Variants in CACNB2 observed in about 807,000 individuals in gnomAD.
CACNB2 encodes voltage-dependent L-type calcium channel subunit beta-2.
Under a neutral mutation model 73.3 loss-of-function variants are expected in CACNB2, and 42 were observed. The observed-to-expected ratio is 0.57, with a 90% CI of 0.45 to 0.74. CACNB2 has a LOEUF of 0.74. Among genes scored for constraint, CACNB2 ranks in the 30% least tolerant of loss-of-function variants. The pLI, the probability that CACNB2 is intolerant of heterozygous loss-of-function variation, is 0.00. For synonymous variants in CACNB2, 348 were observed against 310.3 expected (o/e 1.12, Z -1.28); for missense variants, 940 against 853.0 (o/e 1.10, Z -1.27).
At chr10:18,360,190 C>T (rs2042087972) in intron 2 of CACNB2, among the ~76,000 whole-genome samples, 1 of 152,170 alleles carries the variant, frequency 6.6e-6, no homozygotes, top group Non-Finnish European at 1.5e-5. Flanking sequence ...GCCTCCTCTC[C>T]TATATAAAGG....
intron 2 of CACNB2, among the ~76,000 whole-genome samples, chr10:18,242,840 AAC>A (rs1313020441): frequency 4.9e-4 from 61 of 125,024 alleles, no homozygotes; most frequent in Middle Eastern, 4.0e-3. Flanking sequence ...AAAAAAAAAA[AAC>A]CAAAAAAACA....
rs143052720 is a variant in CACNB2, at chr10:18,209,584, T to C, written c.213+58609T>C. On this transcript the variant is annotated intron_variant, in intron 2 of 13. Transcript: ENST00000324631. ...TGTAAACAGGTTATTTTTTCACTTA[T>C]AATTAAATATGTGTTGCTGGTTTGG... 2.3e-3 allele frequency among the ~76,000 whole-genome samples: 345 copies of C among 152,290 alleles called. 1 individual carries two copies. The highest frequency in any genetic ancestry group is 6.4e-3 in the Admixed American group (98 of 15,296).
At position 18,152,687 on chromosome 10, in the gene CACNB2, T is replaced by C. The variant is rs934299983; in HGVS notation, c.213+1712T>C. Among the ~76,000 whole-genome samples the C allele has an allele frequency of 9.2e-5, 11 of 119,266 alleles. No homozygotes were observed. In the Admixed American group the frequency reaches 1.3e-3, roughly 14 times the overall value. 78.2% of individuals were successfully genotyped at this position (119,266 alleles called of 152,430 possible). A position where few individuals can be genotyped will look rare whatever the true frequency, so the allele number is the denominator to read the frequency against. The stretch of plus-strand genomic sequence containing the variant: ...AGTTAGAATCTACAACTCTGAGTCA[T>C]CATGCAGGACCTGAAACAGACCAAA... On this transcript the variant is annotated intron_variant, in intron 2 of 13. Transcript: ENST00000324631.
intron 3 of CACNB2, among the ~76,000 whole-genome samples, chr10:18,413,301 G>A (rs565841986): frequency 1.9e-3 from 289 of 152,298 alleles, no homozygotes; most frequent in African/African-American, 6.2e-3. Context: ...GGACCTTTAT[G>A]TGCATTTTCC....
chr10:18,226,696 T>C (rs1284563174), intron 2 of CACNB2, among the ~76,000 whole-genome samples: 1 of 152,258 alleles, frequency 6.6e-6, no homozygotes, highest in Admixed American at 6.5e-5. Flanking sequence ...ATTTGTATAC[T>C]GTTTAATGGT....
At chr10:18,460,710 G>C (rs2047526178) in intron 3 of CACNB2, among the ~76,000 whole-genome samples, 1 of 151,986 alleles carries the variant, frequency 6.6e-6, no homozygotes, top group Non-Finnish European at 1.5e-5. Flanking sequence ...GGACAATGTA[G>C]TGAAACCCCA....
chr10:18,309,143 A>C (rs1057110955), intron 2 of CACNB2, among the ~76,000 whole-genome samples: 2 of 152,234 alleles, frequency 1.3e-5, no homozygotes, highest in Non-Finnish European at 2.9e-5. Context: ...AAATTTTAAA[A>C]TATTGAATGG....
At chr10:18,463,429 CA>C (rs1429224998) in intron 3 of CACNB2, among the ~76,000 whole-genome samples, 1 of 151,922 alleles carries the variant, frequency 6.6e-6, no homozygotes, top group Non-Finnish European at 1.5e-5. Flanking sequence ...TTTTTGGAAT[CA>C]AGGTCCTGCT....
Position 18,217,632 on chromosome 10 carries a change from TC to T in CACNB2, c.213+66658del, listed in dbSNP as rs369729100. 6.6e-5 allele frequency among the ~76,000 whole-genome samples: 10 copies of T among 151,990 alleles called. No individual in the cohort carries two copies. The East Asian group carries it at 1.2e-3, about 18-fold the overall frequency. On this transcript the variant is annotated intron_variant, in intron 2 of 13. Transcript: ENST00000324631. The stretch of plus-strand genomic sequence containing the variant: ...TTAAGCAGGGAGGTCAAGATGGTCC[TC>T]ACTGACAGAGTGACATTTGAGCAAA...
In CACNB2 at chr10:18,539,090, C is replaced by T. The variant is rs114462890; in HGVS notation, c.1489-140C>T. ...GCCTTATAAATGCCACTGGATGTTA[C>T]CAAAGGGATGAAGCTAGGTTAGACT... is the stretch of plus-strand genomic sequence containing the variant. On this transcript the variant is annotated intron_variant, in intron 13 of 13. Transcript: ENST00000324631. 1,583 of 1,064,688 alleles carry T rather than the reference C, an allele frequency of 1.5e-3. 22 individuals carry two copies. The African/African-American group carries it at 0.023, about 15-fold the overall frequency. 66.0% of individuals were successfully genotyped at this position (1,064,688 alleles called of 1,614,324 possible). A position where few individuals can be genotyped will look rare whatever the true frequency, so the allele number is the denominator to read the frequency against.
At position 18,534,151 on chromosome 10, in the gene CACNB2, C is replaced by T; in HGVS notation, c.1130C>T (p.Thr377Ile). ...TLQLVVLDAD[T>I]INHPAQLSKT... ...CAGTTGGTGGTCCTTGACGCGGATA[C>T]AATTAATCATCCAGCTCAACTCAGT... Residue 377 changes from threonine to isoleucine, a missense_variant, in exon 11 of 14, where the codon ACA becomes ATA. Physicochemically the swap from Thr to Ile is moderately conservative, Grantham distance 89 (BLOSUM62 -1). Transcript: ENST00000324631. 1 of 1,613,648 alleles carries T rather than the reference C, an allele frequency of 6.2e-7. No individual in the cohort carries two copies. Among genetic ancestry groups the T allele is most frequent in the South Asian group, 1.1e-5 (1 of 91,064 alleles).
chr10:18,329,599 C>A (rs140474859), intron 2 of CACNB2, among the ~76,000 whole-genome samples: 1 of 150,462 alleles, frequency 6.6e-6, no homozygotes, highest in African/African-American at 2.4e-5. Flanking sequence ...ATTATTTTTG[C>A]GATTTGCACT....
At position 18,310,650 on chromosome 10, in the gene CACNB2, T is replaced by G. The variant is rs1414928650; in HGVS notation, c.214-91274T>G. ...AAAAGTAAAAAAAAAAAGAAAATTA[T>G]AAAGAAAAGAAACCCACCCACTGGG... On this transcript the variant is annotated intron_variant, in intron 2 of 13. Transcript: ENST00000324631. Among the ~76,000 whole-genome samples, 329 of 127,698 alleles carry G rather than the reference T, an allele frequency of 2.6e-3. 1 individual carries two copies. Among genetic ancestry groups the G allele is most frequent in the African/African-American group, 9.3e-3 (314 of 33,812 alleles). The allele number at this position is 127,698 out of a possible 152,430, so 83.8% of individuals were successfully genotyped here.
At chr10:18,363,407 G>T (rs1390104960) in intron 2 of CACNB2, among the ~76,000 whole-genome samples, 1 of 152,132 alleles carries the variant, frequency 6.6e-6, no homozygotes, top group East Asian at 1.9e-4. Flanking sequence ...TTGAAATCCT[G>T]TCGCCCCATG....
chr10:18,385,349 A>G (rs1260030258), intron 2 of CACNB2, among the ~76,000 whole-genome samples: 6 of 148,716 alleles, frequency 4.0e-5, no homozygotes, highest in Non-Finnish European at 7.4e-5. Context: ...TGAATATGCC[A>G]TAGAGATTTG....
chr10:18,404,795 A>G (rs2044194509), intron 3 of CACNB2, among the ~76,000 whole-genome samples: 1 of 152,244 alleles, frequency 6.6e-6, no homozygotes. Flanking sequence ...TAAGTGACCT[A>G]CAAAAGGTTA....
intron 2 of CACNB2, among the ~76,000 whole-genome samples, chr10:18,364,648 C>T (rs558603370): frequency 6.6e-6 from 1 of 152,114 alleles, no homozygotes. Context: ...TTTCTTTCTA[C>T]ATTTCTCACC....
At chr10:18,285,624 T>G (rs2038754237) in intron 2 of CACNB2, among the ~76,000 whole-genome samples, 1 of 152,220 alleles carries the variant, frequency 6.6e-6, no homozygotes, top group South Asian at 2.1e-4. Flanking sequence ...GATAATAAGT[T>G]GTTCTTTTAA....
intron 2 of CACNB2, among the ~76,000 whole-genome samples, chr10:18,180,331 T>C (rs999141086): frequency 6.6e-6 from 1 of 152,148 alleles, no homozygotes; most frequent in African/African-American, 2.4e-5. Context: ...ATTCGATCCA[T>C]TGCACTAGAT....
Sources: allele counts gnomAD v4.1 joint callset (sites outside exome capture counted in the v4.1 genomes callset), GRCh38; gene constraint gnomAD v4.1.1; transcripts MANE v1.5; gene names NCBI Gene and HGNC (gene_info 2026-07-23, HGNC 2026-07-21).